Variants in NAP1L4 observed in about 807,000 individuals in gnomAD.
NAP1L4 encodes nucleosome assembly protein 1 like 4.
A neutral mutation model predicts 58.2 loss-of-function variants in NAP1L4; 15 were observed. That is an observed-to-expected ratio of 0.26 (90% confidence interval 0.17 to 0.40). The LOEUF is 0.40. Ranked by LOEUF, NAP1L4 falls within the 10% of genes least tolerant of loss-of-function variation. The pLI is 1.00. For synonymous variants in NAP1L4, 171 were observed against 155.6 expected (o/e 1.10, Z -0.74); for missense variants, 384 against 451.1 (o/e 0.85, Z 1.35).
intron 8 of NAP1L4, among the ~76,000 whole-genome samples, chr11:2,961,531 G>A (rs970954522): frequency 6.6e-6 from 1 of 151,792 alleles, no homozygotes; most frequent in Admixed American, 6.6e-5. Context: ...ACATAAAGAG[G>A]GAAGACAAGT....
chr11:2,951,957 G>A lies in NAP1L4; in HGVS notation c.1036-148C>T, dbSNP rs1846252166. The A allele has an allele frequency of 5.4e-6, 4 of 738,672 alleles. No homozygotes were observed. The African/African-American group carries it at 7.0e-5, about 13-fold the overall frequency. The allele number at this position is 738,672 out of a possible 1,614,324, so 45.8% of individuals were successfully genotyped here. ...GCCTGCTGGGCCTCGCTTGCCTGAG[G>A]AGCCATTTGCTTGTGTGCAGCGCAT... On this transcript the variant is annotated intron_variant, in intron 12 of 15. Transcript: ENST00000380542. This position sits in a 1 kb window ranked among gnomAD's most constrained non-coding sequence, Gnocchi z 4.0.
chr11:2,968,994 T>TG (rs61026013), intron 7 of NAP1L4, among the ~76,000 whole-genome samples: 37,575 of 111,674 alleles, frequency 0.34, 6,801 homozygotes, highest in East Asian at 0.72. Flanking sequence ...TGTTGTTTTT[T>TG]TTTTTTTTTT....
In NAP1L4 at chr11:2,976,920, C is replaced by T. The variant is rs143290454; in HGVS notation, c.74-797G>A. ...ACACAATACAGAAATCCAAACCCAGCGCCCTTCCCTTGCTTAGAGCCAGTA... is the reference window on the plus strand; with the variant it reads ...ACACAATACAGAAATCCAAACCCAGTGCCCTTCCCTTGCTTAGAGCCAGTA... On this transcript the variant is annotated intron_variant, in intron 3 of 15. Transcript: ENST00000380542. Among the ~76,000 whole-genome samples, 207 of 152,286 alleles carry T rather than the reference C, an allele frequency of 1.4e-3. 1 individual carries two copies. The highest frequency in any genetic ancestry group is 4.9e-3 in the African/African-American group (203 of 41,564).
Position 2,979,217 on chromosome 11 carries a change from C to T in NAP1L4, c.4G>A (p.Ala2Thr). MADHSFSDGVPS... is the reference protein window; with the variant it reads MTDHSFSDGVPS... ...TCCACTTTGGCTTACCTGTGATCTG[C>T]CATCTGAATGTTTTTATCCCCTATA... Residue 2 changes from alanine to threonine, a missense_variant, in exon 2 of 16, where the codon GCA becomes ACA. Around this residue, in one of 3 missense-constraint regions of NAP1L4, gnomAD observed 84 missense variants for 73.7 expected, o/e 1.14. Coordinates refer to ENST00000380542, the MANE Select transcript of NAP1L4 (RefSeq NM_005969.4). 6.2e-7 allele frequency: 1 copy of T among 1,610,824 alleles called. No homozygotes were observed.
At chr11:2,987,280 A>G (rs140489584) in intron 1 of NAP1L4, among the ~76,000 whole-genome samples, 46 of 152,012 alleles carry the variant, frequency 3.0e-4, no homozygotes, top group African/African-American at 1.1e-3. Context: ...TAAACTTTCC[A>G]TGATAATGTT....
chr11:2,977,443 G>C (rs1236044455), intron 3 of NAP1L4, among the ~76,000 whole-genome samples: 1 of 152,134 alleles, frequency 6.6e-6, no homozygotes, highest in Non-Finnish European at 1.5e-5. Flanking sequence ...GAAACGACTG[G>C]GCAAATCCAG....
At chr11:2,991,177 A>G (rs751617895) in intron 1 of NAP1L4, 9 of 456,074 alleles carry the variant, frequency 2.0e-5, no homozygotes, top group South Asian at 1.4e-4. Flanking sequence ...GTTAGGGTCT[A>G]AAGGTCCCAA....
rs1181599978 is a variant in NAP1L4, at chr11:2,945,591, GCA to G, written c.*86_*87del. On this transcript the variant is annotated 3_prime_UTR_variant, in exon 16 of 16. Coordinates refer to ENST00000380542, the MANE Select transcript of NAP1L4 (RefSeq NM_005969.4). ...GGAGTCCCGACAGCCGGTCTGCCAGGCACCCGCCTCCGCTTCCTACTGCTGCT... is the reference window on the plus strand; with the variant it reads ...GGAGTCCCGACAGCCGGTCTGCCAGGCCCGCCTCCGCTTCCTACTGCTGCT... 2 of 1,535,784 alleles carry G rather than the reference GCA, an allele frequency of 1.3e-6. No homozygotes were observed. The highest frequency in any genetic ancestry group is 1.7e-6 in the Non-Finnish European group (2 of 1,146,670).
intron 14 of NAP1L4, among the ~76,000 whole-genome samples, chr11:2,950,272 G>C (rs892713395): frequency 6.6e-6 from 1 of 152,176 alleles, no homozygotes; most frequent in Non-Finnish European, 1.5e-5. Flanking sequence ...ATTATTCCCA[G>C]AGTAGTCTTT....
rs1238867648 is a variant in NAP1L4 at position 2,971,727 on chromosome 11, A to AC, written c.316-194_316-193insG. 6.6e-6 allele frequency among the ~76,000 whole-genome samples: 1 copy of AC among 152,258 alleles called. No homozygotes were observed. Among genetic ancestry groups the AC allele is most frequent in the African/African-American group, 2.4e-5 (1 of 41,470 alleles). On this transcript the variant is annotated intron_variant, in intron 5 of 15. Transcript: ENST00000380542. The surrounding 1 kb of genome is among the most constrained non-coding windows in gnomAD (Gnocchi z 4.2). The stretch of plus-strand genomic sequence containing the variant: ...CTGGGTAAACCTGGATGTTTCACCT[A>AC]AAGATGTAAAATAAAGACAGTCCCC...
chr11:2,971,375 A>T lies in NAP1L4; in HGVS notation c.402+73T>A. The stretch of plus-strand genomic sequence containing the variant: ...GAAGCACATAAGTTTACTAGTCATT[A>T]AAAATCATTAAAAAATGCTTATTTT... On this transcript the variant is annotated intron_variant, in intron 6 of 15. Transcript: ENST00000380542. This position sits in a 1 kb window ranked among gnomAD's most constrained non-coding sequence, Gnocchi z 4.2. 7.3e-7 allele frequency: 1 copy of T among 1,361,972 alleles called. No individual in the cohort carries two copies. Among genetic ancestry groups the T allele is most frequent in the East Asian group, 2.4e-5 (1 of 41,884 alleles). 84.4% of individuals were successfully genotyped at this position (1,361,972 alleles called of 1,614,324 possible).
At chr11:2,960,024 G>T in intron 8 of NAP1L4, 115 bp from the exon 9 acceptor site, 2 of 1,095,858 alleles carry the variant, frequency 1.8e-6, no homozygotes, top group Non-Finnish European at 2.6e-6. Flanking sequence ...AACAGATAGG[G>T]CCATGAACAA....
chr11:2,964,806 C>A, intron 7 of NAP1L4, 55 bp from the exon 8 acceptor site: 2 of 1,334,184 alleles, frequency 1.5e-6, no homozygotes, highest in Non-Finnish European at 2.1e-6. Context: ...CAACACATCT[C>A]TCCCGAAGAG....
In NAP1L4 at chr11:2,971,526, T is replaced by C. The variant is rs1463635200; in HGVS notation, c.324A>G (p.Glu108=). 1.2e-6 allele frequency: 2 copies of C among 1,613,362 alleles called. No homozygotes were observed. The highest frequency in any genetic ancestry group is 1.1e-5 in the South Asian group (1 of 91,068). ...LYQPLFDKRR[E]FITGDVEPTD... is the part of the protein sequence containing the mutation. Reference sequence around the variant, plus strand: ...TTGGTTCAACATCGCCGGTGATAAATTCTCTTCTCTACATAAAAATGAGAC... The same window carrying C: ...TTGGTTCAACATCGCCGGTGATAAACTCTCTTCTCTACATAAAAATGAGAC... Residue 108 remains glutamate (E), a synonymous_variant, in exon 6 of 16, where the codon GAA becomes GAG. Coordinates refer to ENST00000380542, the MANE Select transcript of NAP1L4 (RefSeq NM_005969.4). This position sits in a 1 kb window ranked among gnomAD's most constrained non-coding sequence, Gnocchi z 4.2.
chr11:2,970,821 A>G (rs1160565731), intron 6 of NAP1L4, among the ~76,000 whole-genome samples: 2 of 148,626 alleles, frequency 1.3e-5, no homozygotes, highest in African/African-American at 5.1e-5. Context: ...TCAAAAACAC[A>G]TATGGCTACC....
chr11:2,973,078 A>G (rs1192890283), intron 4 of NAP1L4, among the ~76,000 whole-genome samples: 1 of 152,256 alleles, frequency 6.6e-6, no homozygotes, highest in African/African-American at 2.4e-5. Context: ...AACAGCATTC[A>G]AATATGGCCT....
At chr11:2,988,330 A>C (rs75603099) in intron 1 of NAP1L4, among the ~76,000 whole-genome samples, 3,503 of 152,270 alleles carry the variant, frequency 0.023, 143 homozygotes, top group African/African-American at 0.08. Context: ...TCAATAAGGC[A>C]CTTCCCTCTC....
chr11:2,978,354 G>GT lies in NAP1L4; in HGVS notation c.15-13dup. On this transcript the variant is annotated splice_polypyrimidine_tract_variant and intron_variant, in intron 2 of 15. Transcript: ENST00000380542. ...CCCCATCTGAAAAACTAAAACAACA[G>GT]TATGTTTAAAAAGTATTACTGTAAA... is the stretch of plus-strand genomic sequence containing the variant. 1 of 1,612,800 alleles carries GT rather than the reference G, an allele frequency of 6.2e-7. No homozygotes were observed. Among genetic ancestry groups the GT allele is most frequent in the South Asian group, 1.1e-5 (1 of 90,950 alleles).
At chr11:2,963,098 C>CAAAAAAAA (rs55650724) in intron 8 of NAP1L4, among the ~76,000 whole-genome samples, 44 of 96,970 alleles carry the variant, frequency 4.5e-4, no homozygotes, top group Non-Finnish European at 5.7e-4. Context: ...GACTCGGTCT[C>CAAAAAAAA]AAAAAAAAAA....
Sources: gnomAD v4.1 joint callset for allele counts (sites outside exome capture counted in the v4.1 genomes callset) on GRCh38, gnomAD v4.1.1 for gene constraint, gnomAD v4.1.1 regional missense constraint, Gnocchi (gnomAD v3.1) non-coding constraint, MANE v1.5 for transcripts, NCBI Gene and HGNC (gene_info 2026-07-23, HGNC 2026-07-21) for gene names.